LOXHD1: variants seen among roughly 807,000 people sequenced by gnomAD.
LOXHD1 encodes lipoxygenase homology domain-containing protein 1.
Under a neutral mutation model 248.2 loss-of-function variants are expected in LOXHD1, and 205 were observed. That is an observed-to-expected ratio of 0.83 (90% confidence interval 0.74 to 0.93). LOXHD1 has a LOEUF of 0.93. LOXHD1 is among the 40% of genes least tolerant of loss of function. The probability of loss-of-function intolerance (pLI) is 0.00; values close to 1 mark genes in which losing one functional copy is unlikely to be tolerated. For synonymous variants in LOXHD1, 1,113 were observed against 1,162.8 expected (o/e 0.96, Z 0.87); for missense variants, 2,930 against 2,971.6 (o/e 0.99, Z 0.33).
intron 1 of LOXHD1, among the ~76,000 whole-genome samples, chr18:46,650,851 C>A (rs886138047): frequency 3.9e-5 from 6 of 152,160 alleles, no homozygotes; most frequent in African/African-American, 9.7e-5. Context: ...GCCACAGAGA[C>A]CTGGATGCAG....
chr18:46,529,279 C>T lies in LOXHD1; in HGVS notation c.4428G>A (p.Thr1476=), dbSNP rs577112286. Reference sequence around the variant, plus strand: ...AGATGGTGATGTACACCTTGGCATCCGTCCCTGCCCCAGGAATGTTCCCTG... The same window carrying T: ...AGATGGTGATGTACACCTTGGCATCTGTCCCTGCCCCAGGAATGTTCCCTG... ...IFTGNIPGAG[T]DAKVYITIYG... The change falls in exon 29 of 41, where the codon ACG becomes ACA. Residue 1476 remains threonine, a synonymous_variant. Transcript: ENST00000642948. The T allele has an allele frequency of 3.9e-5, 61 of 1,551,712 alleles. No individual in the cohort carries two copies. Among genetic ancestry groups the T allele is most frequent in the Middle Eastern group, 1.7e-4 (1 of 5,988 alleles).
Position 46,545,698 on chromosome 18 carries a change from C to T in LOXHD1, c.3515-277G>A, listed in dbSNP as rs188959888. 3.8e-3 allele frequency among the ~76,000 whole-genome samples: 509 copies of T among 132,234 alleles called. 5 individuals carry two copies. The Middle Eastern group carries it at 0.041, about 11-fold the overall frequency. The allele number at this position is 132,234 out of a possible 152,430, so 86.8% of individuals were successfully genotyped here. A position where few individuals can be genotyped will look rare whatever the true frequency, so the allele number is the denominator to read the frequency against. On this transcript the variant is annotated intron_variant, in intron 22 of 40. Coordinates refer to ENST00000642948, the MANE Select transcript of LOXHD1 (RefSeq NM_001384474.1). ...AGGCTGGAGTGCAGTGGCGGGATCT[C>T]GGCTCACTGCAAGCTCCGCCTCCCG...
At chr18:46,487,918 A>T (rs755538517) in intron 38 of LOXHD1, among the ~76,000 whole-genome samples, 1 of 152,222 alleles carries the variant, frequency 6.6e-6, no homozygotes, top group Non-Finnish European at 1.5e-5. Flanking sequence ...ATTGGGTTTC[A>T]GGTACATACA....
chr18:46,547,027 C>T lies in LOXHD1; in HGVS notation c.3382G>A (p.Val1128Met), dbSNP rs2143824760. The change falls in exon 22 of 41, where the codon GTG becomes ATG. Residue 1128 changes from valine to methionine, a missense_variant. Physicochemically the swap from Val to Met is conservative, Grantham distance 21. Transcript: ENST00000642948. ...GACAGCTGGCCATCATCTTCCTCCA[C>T]TGCCAGCCAACGTTGGCATGGAAAG... ...YYFPCQRWLA[V>M]EEDDGQLSRE... The T allele has an allele frequency of 1.3e-6, 2 of 1,551,796 alleles. No homozygotes were observed. The highest frequency in any genetic ancestry group is 1.4e-5 in the African/African-American group (1 of 73,182).
In LOXHD1 at chr18:46,563,086, C is replaced by T; in HGVS notation, c.2577G>A (p.Arg859=). 1 of 1,544,204 alleles carries T rather than the reference C, an allele frequency of 6.5e-7. No individual in the cohort carries two copies. The change falls in exon 18 of 41, where the codon CGG becomes CGA. Residue 859 remains arginine, a synonymous_variant. Coordinates refer to ENST00000642948, the MANE Select transcript of LOXHD1 (RefSeq NM_001384474.1). ...ATACCTGGAATGTGTCCTTGGACGC[C>T]CGTTCAAAAACTTTTGAGCGGCTGG... The part of the protein sequence containing the change: ...FLSSRSKVFE[R]ASKDTFQLEA...
Position 46,529,384 on chromosome 18 carries a change from C to T in LOXHD1, c.4376-53G>A, listed in dbSNP as rs369107958. Reference sequence around the variant, plus strand: ...GACAAAGGGAAGAAAAGGGTGACAGCGCTTTAGGTCTTGAGGAACTGGATT... The same window carrying T: ...GACAAAGGGAAGAAAAGGGTGACAGTGCTTTAGGTCTTGAGGAACTGGATT... On this transcript the variant is annotated intron_variant, in intron 28 of 40. Transcript: ENST00000642948. The T allele has an allele frequency of 3.4e-5, 51 of 1,491,674 alleles. No homozygotes were observed. In the African/African-American group the frequency reaches 4.5e-4, roughly 13 times the overall value. The allele number at this position is 1,491,674 out of a possible 1,614,324, so 92.4% of individuals were successfully genotyped here.
chr18:46,606,437 C>T (rs2038414472), intron 6 of LOXHD1, among the ~76,000 whole-genome samples: 1 of 152,164 alleles, frequency 6.6e-6, no homozygotes, highest in African/African-American at 2.4e-5. Context: ...GCTGACAACA[C>T]ACCAAAAGTG....
intron 6 of LOXHD1, among the ~76,000 whole-genome samples, 172 bp from the exon 7 acceptor site, chr18:46,604,401 A>G (rs2038383318): frequency 6.6e-6 from 1 of 152,254 alleles, no homozygotes; most frequent in Non-Finnish European, 1.5e-5. Context: ...GATACCTGGT[A>G]AAGCTCAGAA....
At chr18:46,610,162 A>G (rs902090423) in intron 6 of LOXHD1, among the ~76,000 whole-genome samples, 1 of 152,212 alleles carries the variant, frequency 6.6e-6, no homozygotes, top group African/African-American at 2.4e-5. Flanking sequence ...GCTTCATGGC[A>G]GAGTCTTGAA....
In LOXHD1 at chr18:46,560,617, A is replaced by G. The variant is rs56026319; in HGVS notation, c.2599-72T>C. The G allele has an allele frequency of 2.0e-3, 2,798 of 1,366,224 alleles. 8 individuals carry two copies. The highest frequency in any genetic ancestry group is 2.6e-3 in the South Asian group (179 of 69,656). 84.6% of individuals were successfully genotyped at this position (1,366,224 alleles called of 1,614,324 possible). A position where few individuals can be genotyped will look rare whatever the true frequency, so the allele number is the denominator to read the frequency against. On this transcript the variant is annotated intron_variant, in intron 18 of 40. Coordinates refer to ENST00000642948, the MANE Select transcript of LOXHD1 (RefSeq NM_001384474.1). ...CCAACGCCCCCAACACCCCCGCCCAACAAAGAGCCAGGCACAAGGCCTGTT... is the reference window on the plus strand; with the variant it reads ...CCAACGCCCCCAACACCCCCGCCCAGCAAAGAGCCAGGCACAAGGCCTGTT...
Position 46,592,347 on chromosome 18 carries a change from G to T in LOXHD1, c.1518+151C>A, listed in dbSNP as rs140164344. Reference sequence around the variant, plus strand: ...CTCTCCCCATTAGGAAGTCCCTGTGGCCTGTATCCAAATTCAGGTCTCACC... The same window carrying T: ...CTCTCCCCATTAGGAAGTCCCTGTGTCCTGTATCCAAATTCAGGTCTCACC... On this transcript the variant is annotated intron_variant, in intron 11 of 40. Transcript: ENST00000642948. 849 of 739,696 alleles carry T rather than the reference G, an allele frequency of 1.1e-3. 1 individual carries two copies. Among genetic ancestry groups the T allele is most frequent in the Non-Finnish European group, 1.7e-3 (749 of 451,108 alleles). 45.8% of individuals were successfully genotyped at this position (739,696 alleles called of 1,614,324 possible).
intron 20 of LOXHD1, chr18:46,557,940 T>C: frequency 9.6e-7 from 1 of 1,042,530 alleles, no homozygotes; most frequent in Non-Finnish European, 1.2e-6. Flanking sequence ...AAAGTGACTG[T>C]CAGAAACTGA....
intron 21 of LOXHD1, chr18:46,556,637 C>T (rs1483950664): frequency 4.8e-5 from 8 of 166,914 alleles, no homozygotes; most frequent in Admixed American, 1.3e-4. Context: ...AGCCCACCCT[C>T]ATCCTCATAC....
chr18:46,544,813 T>C (rs1451029614), intron 23 of LOXHD1: 1 of 471,404 alleles, frequency 2.1e-6, no homozygotes, highest in Non-Finnish European at 4.4e-6. Context: ...CATTTATTCT[T>C]CAATAATGCT....
chr18:46,520,693 C>T lies in LOXHD1; in HGVS notation c.5271+404G>A, dbSNP rs538773899. 7 of 245,386 alleles carry T rather than the reference C, an allele frequency of 2.9e-5. No homozygotes were observed. In the South Asian group the frequency reaches 4.0e-4, roughly 14 times the overall value. 15.2% of individuals were successfully genotyped at this position (245,386 alleles called of 1,614,324 possible). On this transcript the variant is annotated intron_variant, in intron 33 of 40. Transcript: ENST00000642948. ...TGCCATCTTTCCTATCACCACTCTA[C>T]TGCTGTTGATGGTGGATCCTTTGGT... is the stretch of plus-strand genomic sequence containing the variant.
chr18:46,509,326 C>T (rs2034799299), intron 35 of LOXHD1, among the ~76,000 whole-genome samples: 1 of 152,152 alleles, frequency 6.6e-6, no homozygotes, highest in Admixed American at 6.5e-5. Context: ...TTCTGCCATC[C>T]TGCCTGAAGT....
intron 22 of LOXHD1, 70 bp downstream of exon 22, chr18:46,546,825 G>A (rs2036861640): frequency 1.4e-6 from 2 of 1,476,876 alleles, no homozygotes; most frequent in African/African-American, 1.4e-5. Context: ...AAGGAAGATG[G>A]AGACTTAGGG....
At chr18:46,480,442 A>G (rs1254578351) in intron 40 of LOXHD1, among the ~76,000 whole-genome samples, 1 of 152,164 alleles carries the variant, frequency 6.6e-6, no homozygotes, top group East Asian at 1.9e-4. Flanking sequence ...CTCACTCAAT[A>G]ATACTTCCTG....
rs528242345 is a variant in LOXHD1 at position 46,553,831 on chromosome 18, G to C, written c.3350+3525C>G. On this transcript the variant is annotated intron_variant, in intron 21 of 40. Coordinates refer to ENST00000642948, the MANE Select transcript of LOXHD1 (RefSeq NM_001384474.1). Reference sequence around the variant, plus strand: ...CTGAGAAGGTGACATTTGAGCAGAGGCCTGCCTGAAGAAAGCATGACAGGG... The same window carrying C: ...CTGAGAAGGTGACATTTGAGCAGAGCCCTGCCTGAAGAAAGCATGACAGGG... Among the ~76,000 whole-genome samples, 3 of 152,340 alleles carry C rather than the reference G, an allele frequency of 2.0e-5. No individual in the cohort carries two copies. In the South Asian group the frequency reaches 6.2e-4, roughly 32 times the overall value.
Sources: gnomAD v4.1 joint callset for allele counts (sites outside exome capture counted in the v4.1 genomes callset) on GRCh38, gnomAD v4.1.1 for gene constraint, MANE v1.5 for transcripts, NCBI Gene and HGNC (gene_info 2026-07-23, HGNC 2026-07-21) for gene names.